The following MBOAT2 variants were observed in gnomAD, a reference collection of about 807,000 sequenced individuals.
MBOAT2 encodes membrane-bound glycerophospholipid O-acyltransferase 2.
Under a neutral mutation model 63.4 loss-of-function variants are expected in MBOAT2, and 28 were observed. That is an observed-to-expected ratio of 0.44 (90% CI 0.33 to 0.61). MBOAT2 has a LOEUF of 0.61. Among genes scored for constraint, MBOAT2 ranks in the 20% least tolerant of loss-of-function variants. MBOAT2 has a pLI of 0.03. For missense variants in MBOAT2, 470 were observed against 605.8 expected, an observed-to-expected ratio of 0.78 and a Z score of 2.35; for synonymous variants, 211 against 215.6, an observed-to-expected ratio of 0.98 and a Z score of 0.19.
intron 1 of MBOAT2, among the ~76,000 whole-genome samples, chr2:8,976,270 G>A (rs1670810578): frequency 1.3e-5 from 2 of 151,966 alleles, no homozygotes; most frequent in African/African-American, 2.4e-5. Flanking sequence ...CTACCTACCA[G>A]GCTAATAATG....
intron 4 of MBOAT2, among the ~76,000 whole-genome samples, chr2:8,897,254 T>C (rs897177642): frequency 2.0e-5 from 3 of 152,160 alleles, no homozygotes; most frequent in Admixed American, 1.3e-4. Flanking sequence ...ATCCTCTCTC[T>C]TTCTCTGACT....
chr2:8,904,016 G>A (rs1475631649), intron 4 of MBOAT2, among the ~76,000 whole-genome samples: 5 of 151,192 alleles, frequency 3.3e-5, no homozygotes, highest in African/African-American at 7.3e-5. Flanking sequence ...CAGCTCTGTC[G>A]CCCAGGCTGG....
chr2:8,947,954 C>CT (rs775440610), intron 2 of MBOAT2, among the ~76,000 whole-genome samples: 22 of 152,130 alleles, frequency 1.4e-4, no homozygotes, highest in Non-Finnish European at 2.9e-4. Flanking sequence ...ATAGTGATTC[C>CT]TCTGACGGAT....
intron 5 of MBOAT2, among the ~76,000 whole-genome samples, chr2:8,886,419 A>G (rs966877182): frequency 6.6e-6 from 1 of 152,218 alleles, no homozygotes; most frequent in Non-Finnish European, 1.5e-5. Flanking sequence ...GGGTCCCCCA[A>G]TACACAGATA....
intron 2 of MBOAT2, among the ~76,000 whole-genome samples, chr2:8,944,969 T>C (rs565223868): frequency 7.9e-4 from 120 of 152,224 alleles, no homozygotes; most frequent in Admixed American, 1.8e-3. Context: ...AAAACACATT[T>C]TTGAGGACTC....
rs1270536778 is a variant in MBOAT2, at chr2:8,908,670, T to A, written c.346A>T (p.Thr116Ser). The change falls in exon 4 of 13, where the codon ACT (threonine) becomes TCT (serine). Residue 116 changes from threonine (T) to serine (S), a missense_variant. Transcript: ENST00000305997. The stretch of plus-strand genomic sequence containing the variant: ...CCATAGTCAAAGATATAGACTCGAG[T>A]AACTTGGCACACTGTGAGGTATCCC... ...ALGYLTVCQV[T>S]RVYIFDYGQY... The A allele has an allele frequency of 6.2e-7, 1 of 1,612,042 alleles. No homozygotes were observed. The highest frequency in any genetic ancestry group is 8.5e-7 in the Non-Finnish European group (1 of 1,178,916).
chr2:8,932,425 T>G (rs528711968), intron 3 of MBOAT2, among the ~76,000 whole-genome samples: 1 of 152,302 alleles, frequency 6.6e-6, no homozygotes, highest in African/African-American at 2.4e-5. Context: ...AAGAAGCCAG[T>G]CACAATACAA....
At position 8,860,651 on chromosome 2, in the gene MBOAT2, A is replaced by G; in HGVS notation, c.1299T>C (p.Phe433=). 2.5e-6 allele frequency: 4 copies of G among 1,613,316 alleles called. No homozygotes were observed. Among genetic ancestry groups the G allele is most frequent in the Non-Finnish European group, 3.4e-6 (4 of 1,179,768 alleles). The change falls in exon 12 of 13, where the codon TTT becomes TTC. Residue 433 remains phenylalanine (F), a synonymous_variant. Coordinates refer to ENST00000305997, the MANE Select transcript of MBOAT2 (RefSeq NM_138799.4). ...QVAISYTVVP[F]VLLSIKPSLT... is the part of the protein sequence containing the mutation. Reference sequence around the variant, plus strand: ...GTGATGGTTTTATAGAAAGAAGCACAAATGGCACAACTGTGTAACTTATTG... The same window carrying G: ...GTGATGGTTTTATAGAAAGAAGCACGAATGGCACAACTGTGTAACTTATTG...
chr2:8,995,258 T>G (rs1291856777), intron 1 of MBOAT2, among the ~76,000 whole-genome samples: 1 of 152,186 alleles, frequency 6.6e-6, no homozygotes, highest in African/African-American at 2.4e-5. Context: ...AAAAATCACA[T>G]GGAGCAGGCT....
intron 10 of MBOAT2, among the ~76,000 whole-genome samples, 193 bp downstream of exon 10, chr2:8,863,977 G>A (rs1035103637): frequency 6.6e-6 from 1 of 152,172 alleles, no homozygotes; most frequent in Non-Finnish European, 1.5e-5. Context: ...AGCTGCATTC[G>A]TGACTCAAGC....
rs112013008 is a variant in MBOAT2 at position 8,860,243 on chromosome 2, A to C, written c.1337+370T>G. Among the ~76,000 whole-genome samples, 1,011 of 152,240 alleles carry C rather than the reference A, an allele frequency of 6.6e-3. 11 individuals carry two copies. Among genetic ancestry groups the C allele is most frequent in the African/African-American group, 0.023 (950 of 41,482 alleles). ...TTGTAAATAGCTGGTTTTTTCCCCA[A>C]AGAAGTTCAGGACAATTAAGCTAAC... On this transcript the variant is annotated intron_variant, in intron 12 of 12. Transcript: ENST00000305997.
At chr2:8,892,179 G>C (rs896799859) in intron 4 of MBOAT2, among the ~76,000 whole-genome samples, 1 of 152,178 alleles carries the variant, frequency 6.6e-6, no homozygotes, top group Admixed American at 6.5e-5. Flanking sequence ...ATCTCTGGGA[G>C]ACCACTAAGC....
chr2:8,938,364 C>A (rs1251872574), intron 3 of MBOAT2, among the ~76,000 whole-genome samples: 1 of 151,986 alleles, frequency 6.6e-6, no homozygotes, highest in Non-Finnish European at 1.5e-5. Context: ...TATGGTTGGG[C>A]ACACGCTCTC....
At chr2:8,957,778 G>A (rs569386204) in intron 2 of MBOAT2, among the ~76,000 whole-genome samples, 1 of 152,330 alleles carries the variant, frequency 6.6e-6, no homozygotes, top group Admixed American at 6.5e-5. Context: ...CTCAGGAAGA[G>A]ACCACAAAGA....
In MBOAT2 at chr2:8,947,252, T is replaced by C. The variant is rs73157443; in HGVS notation, c.222-3988A>G. Among the ~76,000 whole-genome samples the C allele has an allele frequency of 5.8e-3, 879 of 152,260 alleles. 5 individuals are homozygous for C. Among genetic ancestry groups the C allele is most frequent in the African/African-American group, 0.021 (856 of 41,542 alleles). ...TCAATTCTAGTAGGGTGGAGAGAGA[T>C]GAAGCTGGAGAAGAAAATTTTGAAG... On this transcript the variant is annotated intron_variant, in intron 2 of 12. Transcript: ENST00000305997.
chr2:8,981,137 A>G (rs542614920), intron 1 of MBOAT2, among the ~76,000 whole-genome samples: 5 of 152,294 alleles, frequency 3.3e-5, no homozygotes, highest in South Asian at 4.1e-4. Flanking sequence ...GCAAACCTAC[A>G]GAGATCGAAA....
intron 1 of MBOAT2, among the ~76,000 whole-genome samples, chr2:8,993,468 G>A (rs922018023): frequency 6.6e-6 from 1 of 152,164 alleles, no homozygotes. Flanking sequence ...TCAGTCTGTG[G>A]AGAAGCTTGT....
At chr2:8,866,441 A>G (rs982312256) in intron 9 of MBOAT2, among the ~76,000 whole-genome samples, 4 of 152,120 alleles carry the variant, frequency 2.6e-5, no homozygotes, top group Non-Finnish European at 5.9e-5. Context: ...AACTTCAACA[A>G]TGATCAATTT....
intron 8 of MBOAT2, among the ~76,000 whole-genome samples, chr2:8,870,499 A>G (rs189213270): frequency 1.3e-5 from 2 of 152,338 alleles, no homozygotes; most frequent in Admixed American, 1.3e-4. Flanking sequence ...TGGACTTCCC[A>G]AAAAACAGAT....
Sources: gnomAD v4.1 joint callset for allele counts (sites outside exome capture counted in the v4.1 genomes callset) on GRCh38, gnomAD v4.1.1 for gene constraint, MANE v1.5 for transcripts, NCBI Gene and HGNC (gene_info 2026-07-23, HGNC 2026-07-21) for gene names.